The following GRIK2 variants were observed in gnomAD, a reference collection of about 807,000 sequenced individuals.
The protein encoded by GRIK2 is glutamate ionotropic receptor kainate type subunit 2.
In GRIK2, 32 loss-of-function variants were observed where a neutral mutation model predicts 100.3. The ratio of observed to expected loss-of-function variants is 0.32; its 90% CI spans 0.24 to 0.43. The LOEUF (loss-of-function observed/expected upper bound fraction) is 0.43, where lower values mean the gene tolerates loss of function less well. Ranked by LOEUF, GRIK2 falls within the 20% of genes least tolerant of loss-of-function variation. GRIK2 has a pLI of 1.00. For missense variants in GRIK2, 843 were observed against 1,114.9 expected (o/e 0.76, Z 3.47); for synonymous variants, 417 against 389.4 (o/e 1.07, Z -0.83).
intron 2 of GRIK2, among the ~76,000 whole-genome samples, chr6:101,587,889 A>G (rs1778454246): frequency 6.6e-6 from 1 of 152,148 alleles, no homozygotes; most frequent in African/African-American, 2.4e-5. Flanking sequence ...CAGGAAGAAG[A>G]AATTGAAACT....
chr6:101,965,737 T>C (rs1416641029), intron 14 of GRIK2, among the ~76,000 whole-genome samples: 2 of 152,004 alleles, frequency 1.3e-5, no homozygotes, highest in South Asian at 4.1e-4. Flanking sequence ...GTCTGTGGAA[T>C]TGGTTAATTT....
intron 10 of GRIK2, among the ~76,000 whole-genome samples, chr6:101,833,966 TTTATA>T (rs1782881267): frequency 6.6e-6 from 1 of 152,092 alleles, no homozygotes; most frequent in Non-Finnish European, 1.5e-5. Context: ...GTTTTATTGT[TTTATA>T]TTAGGTGAAA....
chr6:101,563,797 C>T (rs755070426), intron 2 of GRIK2, among the ~76,000 whole-genome samples: 6 of 149,922 alleles, frequency 4.0e-5, no homozygotes, highest in Non-Finnish European at 7.4e-5. Flanking sequence ...TCCTGTAAAC[C>T]CTATGAAGTT....
chr6:101,752,163 TATAA>T (rs1172160494), intron 7 of GRIK2, among the ~76,000 whole-genome samples: 2 of 152,324 alleles, frequency 1.3e-5, no homozygotes, highest in Admixed American at 6.5e-5. Context: ...CATTACAAAC[TATAA>T]ATAAATATAT....
At chr6:101,623,805 A>C (rs1386200697) in intron 3 of GRIK2, among the ~76,000 whole-genome samples, 1 of 152,160 alleles carries the variant, frequency 6.6e-6, no homozygotes, top group African/African-American at 2.4e-5. Flanking sequence ...TAAGTGTATG[A>C]ATAACTGTCT....
At chr6:101,973,887 G>T (rs546654557) in intron 14 of GRIK2, among the ~76,000 whole-genome samples, 1 of 151,836 alleles carries the variant, frequency 6.6e-6, no homozygotes, top group Non-Finnish European at 1.5e-5. Context: ...CATATCTAAG[G>T]CTCTGGAGAG....
intron 14 of GRIK2, among the ~76,000 whole-genome samples, chr6:101,962,264 G>A (rs374330146): frequency 6.6e-6 from 1 of 152,020 alleles, no homozygotes; most frequent in African/African-American, 2.4e-5. Context: ...CACTCAGGAT[G>A]TGATTACTAA....
In GRIK2 at chr6:101,997,721, GT is replaced by G. The variant is rs377677116; in HGVS notation, c.2086-37616del. ...ATCTATATATCATCTACATTGATCT[GT>G]TTTCCAAAGTCTTAATTACATTCTA... On this transcript the variant is annotated intron_variant, in intron 14 of 16. Coordinates refer to ENST00000369134, the MANE Select transcript of GRIK2 (RefSeq NM_021956.5). 3.4e-4 allele frequency among the ~76,000 whole-genome samples: 51 copies of G among 151,876 alleles called. 1 individual carries two copies. Among genetic ancestry groups the G allele is most frequent in the African/African-American group, 1.2e-3 (48 of 41,454 alleles).
chr6:101,902,508 T>A (rs1201477940), intron 12 of GRIK2, among the ~76,000 whole-genome samples: 2 of 152,054 alleles, frequency 1.3e-5, no homozygotes, highest in South Asian at 2.1e-4. Context: ...TTTAAATAAG[T>A]TTATACCTAA....
intron 2 of GRIK2, among the ~76,000 whole-genome samples, chr6:101,406,186 G>C (rs1164216685): frequency 6.6e-6 from 1 of 152,020 alleles, no homozygotes. Flanking sequence ...TGAGTGGGGA[G>C]TTTAGAAAAG....
At position 101,894,335 on chromosome 6, in the gene GRIK2, G is replaced by C. The variant is rs369635478; in HGVS notation, c.1748+4472G>C. ...ATAGTTTTATATTTTATGATCTCCT[G>C]TAAGCAGTTATATTATTATTTATAG... On this transcript the variant is annotated intron_variant, in intron 12 of 16. Transcript: ENST00000369134. Among the ~76,000 whole-genome samples, 61 of 151,738 alleles carry C rather than the reference G, an allele frequency of 4.0e-4. No homozygotes were observed. In the East Asian group the frequency reaches 8.3e-3, roughly 21 times the overall value.
At chr6:101,641,040 A>G (rs1003758930) in intron 4 of GRIK2, among the ~76,000 whole-genome samples, 3 of 152,104 alleles carry the variant, frequency 2.0e-5, no homozygotes, top group Admixed American at 1.3e-4. Flanking sequence ...TTATTCTGCT[A>G]AATATTCTTG....
chr6:101,550,644 G>A (rs745517929), intron 2 of GRIK2, among the ~76,000 whole-genome samples: 8 of 152,154 alleles, frequency 5.3e-5, no homozygotes, highest in Non-Finnish European at 1.2e-4. Flanking sequence ...TCTTAACGTG[G>A]AATGTAAAAC....
chr6:101,818,239 C>T (rs941150642), intron 9 of GRIK2, 131 bp from the exon 10 acceptor site: 15 of 596,060 alleles, frequency 2.5e-5, no homozygotes, highest in Middle Eastern at 2.6e-4. Flanking sequence ...AAACAAGCTG[C>T]CTTTACTTTA....
intron 2 of GRIK2, among the ~76,000 whole-genome samples, chr6:101,489,406 A>G (rs1014883622): frequency 6.8e-6 from 1 of 146,130 alleles, no homozygotes; most frequent in African/African-American, 2.6e-5. Context: ...TAAAACACAG[A>G]GAGCACCCAT....
At chr6:101,492,685 T>C (rs760830575) in intron 2 of GRIK2, among the ~76,000 whole-genome samples, 1 of 151,874 alleles carries the variant, frequency 6.6e-6, no homozygotes, top group Non-Finnish European at 1.5e-5. Context: ...AGCCATTGAG[T>C]ACTATACTTT....
chr6:101,581,015 T>A (rs1236176498), intron 2 of GRIK2, among the ~76,000 whole-genome samples: 2 of 152,074 alleles, frequency 1.3e-5, no homozygotes, highest in African/African-American at 2.4e-5. Flanking sequence ...TTTACTTATT[T>A]TTCCCCTGAT....
chr6:101,751,624 T>A (rs571575882), intron 7 of GRIK2, among the ~76,000 whole-genome samples: 1 of 152,304 alleles, frequency 6.6e-6, no homozygotes, highest in South Asian at 2.1e-4. Flanking sequence ...ACCATTGGGT[T>A]TTTGGAATAG....
chr6:101,671,245 A>G (rs891190695), intron 4 of GRIK2, among the ~76,000 whole-genome samples: 4 of 152,202 alleles, frequency 2.6e-5, no homozygotes, highest in Non-Finnish European at 5.9e-5. Context: ...CTCTAAAAGT[A>G]TTTGAAATAT....
Sources: allele counts gnomAD v4.1 joint callset (sites outside exome capture counted in the v4.1 genomes callset), GRCh38; gene constraint gnomAD v4.1.1; transcripts MANE v1.5; gene names NCBI Gene and HGNC (gene_info 2026-07-23, HGNC 2026-07-21).